HIPK3: variants seen among roughly 807,000 people sequenced by gnomAD.
HIPK3 encodes homeodomain interacting protein kinase 3, also known as homeodomain-interacting protein kinase 3.
HIPK3 carries 47 observed loss-of-function variants against 124.2 expected under a neutral mutation model. The observed-to-expected ratio is 0.38, with a 90% confidence interval of 0.30 to 0.48. The LOEUF (loss-of-function observed/expected upper bound fraction) is 0.48. Among genes scored for constraint, HIPK3 ranks in the 20% least tolerant of loss-of-function variants. The probability of loss-of-function intolerance (pLI) is 0.98; values close to 1 mark genes in which losing one functional copy is unlikely to be tolerated. For missense variants in HIPK3, 1,286 were observed against 1,454.3 expected (o/e 0.88, Z 1.88); for synonymous variants, 482 against 515.2 (o/e 0.94, Z 0.87).
At chr11:33,264,639 G>A (rs1565051608) in intron 1 of HIPK3, among the ~76,000 whole-genome samples, 1 of 152,170 alleles carries the variant, frequency 6.6e-6, no homozygotes, top group Non-Finnish European at 1.5e-5. Context: ...TATTTGGCTA[G>A]ACAGTTATTT....
chr11:33,340,099 C>T (rs184287120), intron 6 of HIPK3, among the ~76,000 whole-genome samples: 187 of 152,260 alleles, frequency 1.2e-3, no homozygotes, highest in African/African-American at 4.4e-3. Flanking sequence ...GTTTTGGAGA[C>T]AGGGTCTTGC....
At chr11:33,258,218 CTG>C in intron 1 of HIPK3, 15 of 804,786 alleles carry the variant, frequency 1.9e-5, no homozygotes, top group Non-Finnish European at 2.3e-5. Flanking sequence ...CCCCCTCCCC[CTG>C]CCAAGGTTGC....
Position 33,301,821 on chromosome 11 carries a change from G to GAT in HIPK3, c.1097+14311_1097+14312insTA, listed in dbSNP as rs1554964626. On this transcript the variant is annotated intron_variant, in intron 2 of 16. Coordinates refer to ENST00000303296, the MANE Select transcript of HIPK3 (RefSeq NM_005734.5). Reference sequence around the variant, plus strand: ...TGGGCAACAGAGTGAAACCCTGTCTGACACACACACACACACACACACACA... The same window carrying GAT: ...TGGGCAACAGAGTGAAACCCTGTCTGATACACACACACACACACACACACACA... Among the ~76,000 whole-genome samples, 38 of 127,544 alleles carry GAT rather than the reference G, an allele frequency of 3.0e-4. No homozygotes were observed. The East Asian group carries it at 8.3e-3, about 28-fold the overall frequency. The allele number at this position is 127,544 out of a possible 152,430, so 83.7% of individuals were successfully genotyped here.
intron 1 of HIPK3, among the ~76,000 whole-genome samples, chr11:33,265,446 T>C (rs917006780): frequency 1.3e-5 from 2 of 152,228 alleles, no homozygotes; most frequent in Non-Finnish European, 2.9e-5. Context: ...AATTTTATTA[T>C]GACGGGTAAT....
At chr11:33,257,268 C>T, upstream of HIPK3, 1 of 983,276 alleles carries the variant, frequency 1.0e-6, no homozygotes, top group East Asian at 1.1e-4. Flanking sequence ...GCGGCCGGAG[C>T]GGAGCGGAGC....
Position 33,286,447 on chromosome 11 carries a change from T to C in HIPK3, c.33T>C (p.Tyr11=), listed in dbSNP as rs1046648509. Residue 11 remains tyrosine, a synonymous_variant, in exon 2 of 17, where the codon TAT becomes TAC. Coordinates refer to ENST00000303296, the MANE Select transcript of HIPK3 (RefSeq NM_005734.5). MASQVLVYPP[Y]VYQTQSSAFC... ...CACAAGTCTTGGTCTACCCACCATA[T>C]GTTTATCAAACTCAGTCAAGTGCCT... 1 of 1,609,852 alleles carries C rather than the reference T, an allele frequency of 6.2e-7. No homozygotes were observed. The highest frequency in any genetic ancestry group is 8.5e-7 in the Non-Finnish European group (1 of 1,178,178).
In HIPK3 at chr11:33,348,613, A is replaced by G. The variant is rs1853567425; in HGVS notation, c.2461A>G (p.Ile821Val). 6.2e-7 allele frequency: 1 copy of G among 1,614,108 alleles called. No homozygotes were observed. Residue 821 changes from isoleucine to valine, a missense_variant, in exon 13 of 17, where the codon ATA becomes GTA. Physicochemically the swap from Ile to Val is conservative, Grantham distance 29. This residue lies in a region of HIPK3 where 810 missense variants were observed against 864.9 expected (regional missense o/e 0.94). Coordinates refer to ENST00000303296, the MANE Select transcript of HIPK3 (RefSeq NM_005734.5). ...NGKDVEEVSC[I>V]ETQDNQNSEG... ...GAAAGATGTCGAGGAAGTAAGTTGT[A>G]TAGAAACACAGGACAATCAGAACTC...
chr11:33,352,104 A>G, intron 15 of HIPK3, 34 bp from the exon 16 acceptor site: 1 of 1,587,290 alleles, frequency 6.3e-7, no homozygotes, highest in Middle Eastern at 1.7e-4. Context: ...AAAAGGAAAA[A>G]GCATAAACTC....
intron 2 of HIPK3, among the ~76,000 whole-genome samples, chr11:33,312,671 A>T (rs1371691251): frequency 6.6e-6 from 1 of 152,204 alleles, no homozygotes; most frequent in Non-Finnish European, 1.5e-5. Flanking sequence ...TGTAGAGGGC[A>T]TATTTTATTT....
At chr11:33,312,290 GTTAT>G (rs1212492369) in intron 2 of HIPK3, among the ~76,000 whole-genome samples, 1 of 152,158 alleles carries the variant, frequency 6.6e-6, no homozygotes, top group African/African-American at 2.4e-5. Context: ...TCTCTAGACT[GTTAT>G]TTGTTGGGAT....
intron 2 of HIPK3, among the ~76,000 whole-genome samples, chr11:33,313,508 TTG>T (rs1326417631): frequency 1.3e-5 from 2 of 152,124 alleles, no homozygotes; most frequent in Admixed American, 6.6e-5. Flanking sequence ...AAAATTATAT[TTG>T]TGTGTGTATA....
At chr11:33,313,653 A>G (rs1447193845) in intron 2 of HIPK3, among the ~76,000 whole-genome samples, 1 of 152,128 alleles carries the variant, frequency 6.6e-6, no homozygotes, top group Non-Finnish European at 1.5e-5. Flanking sequence ...ATGATCAGTT[A>G]TAAGGAAAAA....
intron 3 of HIPK3, among the ~76,000 whole-genome samples, chr11:33,329,710 A>G (rs946733435): frequency 6.6e-6 from 1 of 152,162 alleles, no homozygotes; most frequent in Non-Finnish European, 1.5e-5. Context: ...GTTTCTGTAA[A>G]ATTTTCCATA....
chr11:33,297,363 G>A (rs1851870066), intron 2 of HIPK3, among the ~76,000 whole-genome samples: 1 of 152,150 alleles, frequency 6.6e-6, no homozygotes, highest in South Asian at 2.1e-4. Context: ...CAGAGAGCTG[G>A]GATTACAGAT....
intron 2 of HIPK3, among the ~76,000 whole-genome samples, chr11:33,299,327 C>T (rs1382453420): frequency 6.6e-6 from 1 of 151,694 alleles, no homozygotes; most frequent in Non-Finnish European, 1.5e-5. Flanking sequence ...CAAAAATTAG[C>T]CGGGCACAGT....
At position 33,339,419 on chromosome 11, in the gene HIPK3, A is replaced by C. The variant is rs1455126058; in HGVS notation, c.1498A>C (p.Ser500Arg). The change falls in exon 6 of 17, where the codon AGT becomes CGT. Residue 500 changes from serine (S) to arginine (R), a missense_variant. Physicochemically the swap from Ser to Arg is moderately radical, Grantham distance 110 (BLOSUM62 -1). Around this residue, in one of 3 missense-constraint regions of HIPK3, gnomAD observed 810 missense variants for 864.9 expected, o/e 0.94. Coordinates refer to ENST00000303296, the MANE Select transcript of HIPK3 (RefSeq NM_005734.5). ...GAAAGCTGATAGAAGAGAATTTGTT[A>C]GTCTGTTGAAGAAAATGTTGCTGAT... is the stretch of plus-strand genomic sequence containing the variant. ...AEKADRREFV[S>R]LLKKMLLIDA... The C allele has an allele frequency of 6.2e-7, 1 of 1,613,500 alleles. No individual in the cohort carries two copies.
chr11:33,306,678 C>T (rs753471521), intron 2 of HIPK3, among the ~76,000 whole-genome samples: 2 of 152,160 alleles, frequency 1.3e-5, no homozygotes, highest in South Asian at 2.1e-4. Flanking sequence ...AACTACCTCA[C>T]AGGTTGTTGT....
chr11:33,339,684 G>C, intron 6 of HIPK3, 150 bp downstream of exon 6: 1 of 553,430 alleles, frequency 1.8e-6, no homozygotes, highest in Non-Finnish European at 3.2e-6. Context: ...ACATACACCA[G>C]TAAGTGTCAG....
At chr11:33,351,953 C>A in intron 15 of HIPK3, 110 bp downstream of exon 15, 1 of 1,045,444 alleles carries the variant, frequency 9.6e-7, no homozygotes. Context: ...CTTGACCCTG[C>A]CTTATGTATT....
Sources: allele counts gnomAD v4.1 joint callset (sites outside exome capture counted in the v4.1 genomes callset), GRCh38; gene constraint gnomAD v4.1.1; regional missense constraint gnomAD v4.1.1; transcripts MANE v1.5; gene names NCBI Gene and HGNC (gene_info 2026-07-23, HGNC 2026-07-21).